RMC1: variants seen among roughly 807,000 people sequenced by gnomAD.
RMC1 encodes the protein regulator of MON1-CCZ1.
In RMC1, 44 loss-of-function variants were observed where a neutral mutation model predicts 95.5. The ratio of observed to expected loss-of-function variants is 0.46; its 90% CI spans 0.36 to 0.59. The LOEUF is 0.59. Among genes scored for constraint, RMC1 ranks in the 20% least tolerant of loss-of-function variants. The pLI is 0.00. For synonymous variants in RMC1, 320 were observed against 303.6 expected, an observed-to-expected ratio of 1.05 and a Z score of -0.56; for missense variants, 705 against 819.6, an observed-to-expected ratio of 0.86 and a Z score of 1.71.
At chr18:23,527,994 A>G (rs1158288349) in intron 14 of RMC1, 93 bp downstream of exon 14, 1 of 1,075,678 alleles carries the variant, frequency 9.3e-7, no homozygotes, top group Non-Finnish European at 1.3e-6. Context: ...TTTCCTATAT[A>G]TTAGAATAAG....
intron 9 of RMC1, 103 bp from the exon 10 acceptor site, chr18:23,520,099 C>A: frequency 1.2e-6 from 1 of 842,752 alleles, no homozygotes; most frequent in Non-Finnish European, 2.0e-6. Flanking sequence ...GAAATGCAAA[C>A]ACAGGCTTTT....
chr18:23,509,267 C>T lies in RMC1; in HGVS notation c.396C>T (p.Ile132=), dbSNP rs1281600498. The change falls in exon 5 of 20, where the codon ATC becomes ATT. Residue 132 remains isoleucine (I), a synonymous_variant. Transcript: ENST00000269221. ...TTGTCTTCATAACAGATCAAGGAATCGAATTTTACCAGGTATTATGTTTAT... is the reference window on the plus strand; with the variant it reads ...TTGTCTTCATAACAGATCAAGGAATTGAATTTTACCAGGTATTATGTTTAT... ...TEIVFITDQG[I]EFYQVLPEKR... is the part of the protein sequence containing the mutation. 2.1e-6 allele frequency: 3 copies of T among 1,428,638 alleles called. No homozygotes were observed. The highest frequency in any genetic ancestry group is 1.5e-5 in the African/African-American group (1 of 68,132). The allele number at this position is 1,428,638 out of a possible 1,614,324, so 88.5% of individuals were successfully genotyped here.
chr18:23,526,683 C>T lies in RMC1; in HGVS notation c.1107C>T (p.Leu369=), dbSNP rs763653935. ...LQVKLEPIVN[L]LPDKGRLMDF... ...TGAAACTTGAGCCCATAGTAAATCT[C>T]TTACCAGACAAAGGAAGACTCATGG... Residue 369 remains leucine (L), a synonymous_variant, in exon 13 of 20, where the codon CTC becomes CTT. Coordinates refer to ENST00000269221, the MANE Select transcript of RMC1 (RefSeq NM_013326.5). 2 of 1,614,188 alleles carry T rather than the reference C, an allele frequency of 1.2e-6. No individual in the cohort carries two copies. Among genetic ancestry groups the T allele is most frequent in the Non-Finnish European group, 1.7e-6 (2 of 1,180,024 alleles).
intron 5 of RMC1, among the ~76,000 whole-genome samples, chr18:23,514,843 G>A (rs556088263): frequency 1.2e-4 from 18 of 152,180 alleles, no homozygotes; most frequent in African/African-American, 3.9e-4. Flanking sequence ...AGAAGCTTAC[G>A]GCTCCTGCCC....
Position 23,519,194 on chromosome 18 carries a change from C to T in RMC1, c.849+20C>T, listed in dbSNP as rs1352922697. 8.7e-6 allele frequency: 14 copies of T among 1,603,058 alleles called. No homozygotes were observed. The highest frequency in any genetic ancestry group is 1.2e-5 in the Non-Finnish European group (14 of 1,170,506). On this transcript the variant is annotated intron_variant, in intron 9 of 19. Coordinates refer to ENST00000269221, the MANE Select transcript of RMC1 (RefSeq NM_013326.5). ...ACAGAGGTACAAGCTGTCTGCGTTT[C>T]TACCAAAGTTAAGGTTGCTTAAAAG...
intron 14 of RMC1, among the ~76,000 whole-genome samples, 153 bp downstream of exon 14, chr18:23,528,054 A>G (rs1020133852): frequency 4.0e-5 from 6 of 151,572 alleles, no homozygotes; most frequent in Non-Finnish European, 4.4e-5. Flanking sequence ...GTAGTGGGGG[A>G]TAGTGGAGGA....
chr18:23,514,988 T>C (rs765519889), intron 5 of RMC1, among the ~76,000 whole-genome samples: 8 of 152,102 alleles, frequency 5.3e-5, no homozygotes, highest in Non-Finnish European at 1.2e-4. Flanking sequence ...ACTGCATTTG[T>C]ATGGAGTCTT....
At position 23,512,106 on chromosome 18, in the gene RMC1, C is replaced by T. The variant is rs530432518; in HGVS notation, c.408+2827C>T. On this transcript the variant is annotated intron_variant, in intron 5 of 19. Coordinates refer to ENST00000269221, the MANE Select transcript of RMC1 (RefSeq NM_013326.5). ...TGCGATCTCGGCTCACGGCAACCTCCACCTCCTGGGTTCAAGCAATTCTCC... is the reference window on the plus strand; with the variant it reads ...TGCGATCTCGGCTCACGGCAACCTCTACCTCCTGGGTTCAAGCAATTCTCC... 2.0e-5 allele frequency among the ~76,000 whole-genome samples: 3 copies of T among 151,138 alleles called. No homozygotes were observed. The South Asian group carries it at 6.3e-4, about 32-fold the overall frequency.
intron 12 of RMC1, among the ~76,000 whole-genome samples, chr18:23,525,527 C>T (rs1008728975): frequency 5.3e-5 from 8 of 151,848 alleles, no homozygotes; most frequent in Admixed American, 4.6e-4. Context: ...TGGGTTTAAG[C>T]GATTCTCCTG....
Position 23,531,674 on chromosome 18 carries a change from C to G in RMC1, c.1944C>G (p.Asp648Glu). Residue 648 changes from aspartate (D) to glutamate (E), a missense_variant, in exon 20 of 20, where the codon GAC (aspartate) becomes GAG (glutamate). Transcript: ENST00000269221. The stretch of plus-strand genomic sequence containing the variant: ...CTTTTTTCAAACAGATTTTTGGAGA[C>G]CAAGCTCTAATGAGGCCTACAACAT... ...HVAFFKQIFG[D>E]QALMRPTTF is the part of the protein sequence containing the mutation. The G allele has an allele frequency of 6.2e-7, 1 of 1,613,238 alleles. No homozygotes were observed. Among genetic ancestry groups the G allele is most frequent in the Non-Finnish European group, 8.5e-7 (1 of 1,179,824 alleles).
chr18:23,505,637 C>T (rs896738758), intron 2 of RMC1, among the ~76,000 whole-genome samples: 2 of 152,202 alleles, frequency 1.3e-5, no homozygotes, highest in Non-Finnish European at 2.9e-5. Flanking sequence ...AGTTGGGAGC[C>T]TGTCAGAGTT....
chr18:23,510,946 A>G (rs946679370), intron 5 of RMC1, among the ~76,000 whole-genome samples: 3 of 152,240 alleles, frequency 2.0e-5, no homozygotes, highest in Non-Finnish European at 4.4e-5. Context: ...AAGCAGAACT[A>G]CTGTTTGACC....
chr18:23,531,333 A>G, intron 19 of RMC1: 1 of 346,772 alleles, frequency 2.9e-6, no homozygotes, highest in Non-Finnish European at 5.0e-6. Flanking sequence ...AACCTAAGAC[A>G]TCATCTTTAG....
intron 5 of RMC1, among the ~76,000 whole-genome samples, chr18:23,513,430 T>TAGG (rs1260945011): frequency 6.6e-6 from 1 of 152,250 alleles, no homozygotes; most frequent in African/African-American, 2.4e-5. Flanking sequence ...ACATTTTGCT[T>TAGG]ATCCATTCAT....
chr18:23,530,237 G>A lies in RMC1; in HGVS notation c.1608G>A (p.Leu536=). The A allele has an allele frequency of 1.9e-6, 3 of 1,614,178 alleles. No individual in the cohort carries two copies. The highest frequency in any genetic ancestry group is 2.5e-6 in the Non-Finnish European group (3 of 1,180,034). ...VLSDSKPLAC[L]LLSLESFYPP... ...CTAAAAATGTCTTTCAGGCTTGTCTGCTGTTATCCCTAGAGAGTTTCTATC... is the reference window on the plus strand; with the variant it reads ...CTAAAAATGTCTTTCAGGCTTGTCTACTGTTATCCCTAGAGAGTTTCTATC... The change falls in exon 18 of 20, where the codon CTG becomes CTA. Residue 536 remains leucine (L), a synonymous_variant. Transcript: ENST00000269221.
At chr18:23,507,367 C>G (rs2057741910) in intron 3 of RMC1, among the ~76,000 whole-genome samples, 1 of 152,048 alleles carries the variant, frequency 6.6e-6, no homozygotes, top group Non-Finnish European at 1.5e-5. Flanking sequence ...TCAAGTGATT[C>G]TCTCGCCTCA....
intron 10 of RMC1, chr18:23,522,304 G>T (rs1313777259): frequency 2.0e-5 from 3 of 152,208 alleles, no homozygotes; most frequent in African/African-American, 7.2e-5. Flanking sequence ...TGATTGTCTT[G>T]TGTCTGCTGC....
chr18:23,520,570 C>T (rs1049201421), intron 10 of RMC1, among the ~76,000 whole-genome samples: 18 of 152,186 alleles, frequency 1.2e-4, no homozygotes, highest in Admixed American at 7.2e-4. Flanking sequence ...AGTGATTATC[C>T]TGCCTCAGCC....
intron 5 of RMC1, among the ~76,000 whole-genome samples, chr18:23,510,475 C>G (rs2057824082): frequency 6.6e-6 from 1 of 152,038 alleles, no homozygotes; most frequent in Non-Finnish European, 1.5e-5. Flanking sequence ...TGACGAAACC[C>G]TGTCTCTATT....
Sources: gnomAD v4.1 joint callset for allele counts (sites outside exome capture counted in the v4.1 genomes callset) on GRCh38, gnomAD v4.1.1 for gene constraint, MANE v1.5 for transcripts, NCBI Gene and HGNC (gene_info 2026-07-23, HGNC 2026-07-21) for gene names.